DNAJC6: variants seen among roughly 807,000 people sequenced by gnomAD.
DNAJC6 encodes DnaJ heat shock protein family (Hsp40) member C6.
A neutral mutation model predicts 110.0 loss-of-function variants in DNAJC6; 34 were observed. The observed-to-expected ratio is 0.31, with a 90% confidence interval of 0.24 to 0.41. The LOEUF is 0.41. Among genes scored for constraint, DNAJC6 ranks in the 10% least tolerant of loss-of-function variants. The probability of loss-of-function intolerance (pLI) is 1.00; values close to 1 mark genes in which losing one functional copy is unlikely to be tolerated. For missense variants in DNAJC6, 1,031 were observed against 1,207.8 expected, an observed-to-expected ratio of 0.85 and a Z score of 2.17; for synonymous variants, 406 against 437.2, an observed-to-expected ratio of 0.93 and a Z score of 0.89.
At chr1:65,403,122 A>T (rs572517692) in intron 15 of DNAJC6, among the ~76,000 whole-genome samples, 1 of 152,366 alleles carries the variant, frequency 6.6e-6, no homozygotes, top group Non-Finnish European at 1.5e-5. Flanking sequence ...ATAATGTCAA[A>T]TAATGAAAAC....
chr1:65,356,581 T>TA (rs199937907), intron 1 of DNAJC6, among the ~76,000 whole-genome samples: 1,977 of 147,578 alleles, frequency 0.013, 22 homozygotes, highest in Non-Finnish European at 0.021. Context: ...AATAAATAAA[T>TA]AAATAAAATA....
chr1:65,410,907 C>T (rs1202733789), intron 17 of DNAJC6, among the ~76,000 whole-genome samples: 1 of 152,120 alleles, frequency 6.6e-6, no homozygotes, highest in African/African-American at 2.4e-5. Context: ...GAAGTTTGGC[C>T]CTTTTTTAAG....
chr1:65,298,412 T>C (rs1208869669), intron 1 of DNAJC6, among the ~76,000 whole-genome samples: 2 of 152,060 alleles, frequency 1.3e-5, no homozygotes, highest in African/African-American at 2.4e-5. Context: ...CCTTTGACAG[T>C]CTCCTGAAGA....
In DNAJC6 at chr1:65,385,705, GT is replaced by G; in HGVS notation, c.801-4del. On this transcript the variant is annotated splice_region_variant and splice_polypyrimidine_tract_variant and intron_variant, in intron 6 of 18. Coordinates refer to ENST00000371069, the MANE Select transcript of DNAJC6 (RefSeq NM_001256864.2). ...GGCCCCAAGAGAGTGCCAACCTTCT[GT>G]TTCAGATACCTGGGCTATATGTGTG... 1 of 1,580,546 alleles carries G rather than the reference GT, an allele frequency of 6.3e-7. No individual in the cohort carries two copies. Among genetic ancestry groups the G allele is most frequent in the Non-Finnish European group, 8.6e-7 (1 of 1,156,154 alleles).
At chr1:65,285,365 C>T (rs1393035544) in intron 1 of DNAJC6, among the ~76,000 whole-genome samples, 1 of 152,184 alleles carries the variant, frequency 6.6e-6, no homozygotes, top group Non-Finnish European at 1.5e-5. Context: ...TTGCCCCTGC[C>T]TTAGAAGTAC....
At chr1:65,287,653 G>A (rs1233994703) in intron 1 of DNAJC6, among the ~76,000 whole-genome samples, 1 of 152,132 alleles carries the variant, frequency 6.6e-6, no homozygotes, top group Non-Finnish European at 1.5e-5. Flanking sequence ...CCAGAATGGA[G>A]TACAGTGGCG....
At chr1:65,355,055 T>C (rs1037270890) in intron 1 of DNAJC6, among the ~76,000 whole-genome samples, 1 of 151,942 alleles carries the variant, frequency 6.6e-6, no homozygotes, top group Non-Finnish European at 1.5e-5. Context: ...GGCAGGCAGA[T>C]CACTTGAGCT....
At chr1:65,273,349 A>G (rs1460033572) in intron 1 of DNAJC6, among the ~76,000 whole-genome samples, 1 of 152,210 alleles carries the variant, frequency 6.6e-6, no homozygotes, top group African/African-American at 2.4e-5. Context: ...CTGTAATCCC[A>G]GCACTTTTGG....
chr1:65,363,799 C>G (rs905377780), intron 1 of DNAJC6, among the ~76,000 whole-genome samples: 1 of 152,062 alleles, frequency 6.6e-6, no homozygotes, highest in Non-Finnish European at 1.5e-5. Context: ...GATTGAGAAG[C>G]CCTGGACTGG....
In DNAJC6 at chr1:65,392,530, C is replaced by T. The variant is rs766961674; in HGVS notation, c.1568C>T (p.Pro523Leu). Residue 523 changes from proline to leucine, a missense_variant, in exon 12 of 19, where the codon CCG becomes CTG. Transcript: ENST00000371069. ...SDDELLTLSS[P>L]HGNANGDKPH... ...GATGAACTTCTGACACTTTCCAGTC[C>T]GCATGGCAATGCCAATGGTGACAAG... The T allele has an allele frequency of 1.8e-5, 29 of 1,613,862 alleles. No homozygotes were observed. Among genetic ancestry groups the T allele is most frequent in the African/African-American group, 2.7e-5 (2 of 74,874 alleles).
chr1:65,399,071 A>C (rs983001455), intron 14 of DNAJC6, among the ~76,000 whole-genome samples, 190 bp downstream of exon 14: 2 of 152,132 alleles, frequency 1.3e-5, no homozygotes, highest in African/African-American at 4.8e-5. Context: ...CTTATCATAC[A>C]CCATTTAACT....
chr1:65,397,204 G>T (rs1478772893), intron 13 of DNAJC6, among the ~76,000 whole-genome samples: 1 of 152,142 alleles, frequency 6.6e-6, no homozygotes, highest in Non-Finnish European at 1.5e-5. Flanking sequence ...CACTGTTACT[G>T]AATCAACTCC....
intron 1 of DNAJC6, among the ~76,000 whole-genome samples, chr1:65,313,178 G>T (rs1404342501): frequency 6.6e-6 from 1 of 151,092 alleles, no homozygotes; most frequent in African/African-American, 2.4e-5. Flanking sequence ...TCAGCCTCTT[G>T]AGTAGCTGGG....
At chr1:65,375,310 C>T (rs1192119480) in intron 4 of DNAJC6, among the ~76,000 whole-genome samples, 1 of 151,808 alleles carries the variant, frequency 6.6e-6, no homozygotes, top group Non-Finnish European at 1.5e-5. Context: ...TTATCACATA[C>T]TTTTTCAGCA....
At chr1:65,301,187 G>C (rs1327815331) in intron 1 of DNAJC6, among the ~76,000 whole-genome samples, 2 of 152,296 alleles carry the variant, frequency 1.3e-5, no homozygotes, top group East Asian at 3.9e-4. Context: ...GAAAAGGACT[G>C]ATGCTTCCAT....
At chr1:65,380,906 TTTTTG>T (rs796834663) in intron 5 of DNAJC6, among the ~76,000 whole-genome samples, 2,422 of 126,642 alleles carry the variant, frequency 0.019, 365 homozygotes, top group Middle Eastern at 0.044. Flanking sequence ...TTTTTTTTGT[TTTTTG>T]TTTTGTTTTG....
At chr1:65,360,805 G>T (rs997110767) in intron 1 of DNAJC6, among the ~76,000 whole-genome samples, 1 of 152,150 alleles carries the variant, frequency 6.6e-6, no homozygotes, top group African/African-American at 2.4e-5. Flanking sequence ...GGCGACAGAG[G>T]CTCGGCTGCC....
rs191166121 is a variant in DNAJC6 at position 65,415,639 on chromosome 1, A to T, written c.*2614A>T. 135 of 152,364 alleles carry T rather than the reference A, an allele frequency of 8.9e-4. No individual in the cohort carries two copies. The highest frequency in any genetic ancestry group is 3.2e-3 in the African/African-American group (132 of 41,580). 9.4% of individuals were successfully genotyped at this position (152,364 alleles called of 1,614,324 possible). ...AAAGGATTGAACCTGGAAGTCTGGG[A>T]CTTTATCATAGAAACAAAGTCTCAG... On this transcript the variant is annotated 3_prime_UTR_variant, in exon 19 of 19. Coordinates refer to ENST00000371069, the MANE Select transcript of DNAJC6 (RefSeq NM_001256864.2).
At chr1:65,273,846 A>G (rs1653582765) in intron 1 of DNAJC6, among the ~76,000 whole-genome samples, 1 of 151,988 alleles carries the variant, frequency 6.6e-6, no homozygotes, top group African/African-American at 2.4e-5. Context: ...TATATTTTGG[A>G]TGACTTGGAA....
Sources: allele counts gnomAD v4.1 joint callset (sites outside exome capture counted in the v4.1 genomes callset), GRCh38; gene constraint gnomAD v4.1.1; transcripts MANE v1.5; gene names NCBI Gene and HGNC (gene_info 2026-07-23, HGNC 2026-07-21).